The following TTC33 variants were observed in gnomAD, a reference collection of about 807,000 sequenced individuals.
The protein encoded by TTC33 is tetratricopeptide repeat domain 33.
Under a neutral mutation model 29.4 loss-of-function variants are expected in TTC33, and 24 were observed. The ratio of observed to expected loss-of-function variants is 0.82; its 90% confidence interval spans 0.59 to 1.15. The LOEUF (loss-of-function observed/expected upper bound fraction) is 1.15, where lower values mean the gene tolerates loss of function less well. Among genes scored for constraint, TTC33 ranks in the 50% most tolerant of loss-of-function variants. The pLI is 0.00. For synonymous variants in TTC33, 107 were observed against 100.3 expected (o/e 1.07, Z -0.40); for missense variants, 286 against 310.4 (o/e 0.92, Z 0.59).
intron 2 of TTC33, among the ~76,000 whole-genome samples, chr5:40,739,445 G>A (rs1489973521): frequency 6.6e-6 from 1 of 152,190 alleles, no homozygotes; most frequent in Non-Finnish European, 1.5e-5. Flanking sequence ...GTAATCCCCA[G>A]TGTTAAAGGT....
intron 1 of TTC33, among the ~76,000 whole-genome samples, chr5:40,754,832 T>G (rs1056468018): frequency 6.6e-6 from 1 of 152,214 alleles, no homozygotes. Flanking sequence ...CATTAGAAAA[T>G]TTAACATTCC....
intron 2 of TTC33, among the ~76,000 whole-genome samples, chr5:40,738,567 T>TATAAA (rs199498234): frequency 0.019 from 1,314 of 67,406 alleles, 49 homozygotes; most frequent in Non-Finnish European, 0.025. Context: ...TAAAATAAAA[T>TATAAA]ATAAAATAAA....
In TTC33 at chr5:40,715,998, C is replaced by A; in HGVS notation, c.*147G>T. 1 of 607,120 alleles carries A rather than the reference C, an allele frequency of 1.6e-6. No individual in the cohort carries two copies. The highest frequency in any genetic ancestry group is 2.8e-6 in the Non-Finnish European group (1 of 354,710). The allele number at this position is 607,120 out of a possible 1,614,324, so 37.6% of individuals were successfully genotyped here. On this transcript the variant is annotated 3_prime_UTR_variant, in exon 5 of 5. Coordinates refer to ENST00000337702, the MANE Select transcript of TTC33 (RefSeq NM_012382.3). ...ATATTCCAAACACTATACAATAATCCTGCCATTTTAGTTTTTATATGCCTC... is the reference window on the plus strand; with the variant it reads ...ATATTCCAAACACTATACAATAATCATGCCATTTTAGTTTTTATATGCCTC...
At chr5:40,741,308 A>T (rs1374671340) in intron 2 of TTC33, among the ~76,000 whole-genome samples, 1 of 152,118 alleles carries the variant, frequency 6.6e-6, no homozygotes, top group African/African-American at 2.4e-5. Flanking sequence ...TTCTACTAAG[A>T]AATAACCCCC....
At chr5:40,733,470 A>T (rs1054371009) in intron 2 of TTC33, among the ~76,000 whole-genome samples, 2 of 152,192 alleles carry the variant, frequency 1.3e-5, no homozygotes, top group Non-Finnish European at 2.9e-5. Context: ...TGTTTTTATA[A>T]ATAAAGTTTG....
At chr5:40,743,750 GGCAACAGT>G (rs1230129417) in intron 2 of TTC33, among the ~76,000 whole-genome samples, 1 of 152,064 alleles carries the variant, frequency 6.6e-6, no homozygotes, top group Non-Finnish European at 1.5e-5. Context: ...CTCCAGCCTG[GGCAACAGT>G]GCAAGACTCC....
At chr5:40,753,047 G>C (rs1241119962) in intron 1 of TTC33, among the ~76,000 whole-genome samples, 1 of 152,142 alleles carries the variant, frequency 6.6e-6, no homozygotes, top group Non-Finnish European at 1.5e-5. Flanking sequence ...GAATATGAGA[G>C]AGTGCCAATA....
intron 2 of TTC33, among the ~76,000 whole-genome samples, chr5:40,744,986 T>C (rs2111929694): frequency 6.6e-6 from 1 of 152,330 alleles, no homozygotes; most frequent in Middle Eastern, 3.4e-3. Context: ...ACTCAATCTC[T>C]ACACCTAACT....
chr5:40,736,276 ACT>A (rs1742549321), intron 2 of TTC33, among the ~76,000 whole-genome samples: 1 of 152,242 alleles, frequency 6.6e-6, no homozygotes. Flanking sequence ...AGGCAAAACC[ACT>A]GTCATTAAAT....
intron 2 of TTC33, among the ~76,000 whole-genome samples, chr5:40,745,320 C>T (rs1742769823): frequency 1.3e-5 from 2 of 151,940 alleles, no homozygotes; most frequent in Non-Finnish European, 2.9e-5. Context: ...AGATAATATC[C>T]TTATTCTTAG....
intron 2 of TTC33, among the ~76,000 whole-genome samples, chr5:40,742,098 CA>C: frequency 6.6e-6 from 1 of 152,150 alleles, no homozygotes; most frequent in South Asian, 2.1e-4. Flanking sequence ...TGGTTGAAAA[CA>C]GTTTTTTTTT....
At chr5:40,723,598 C>G (rs960567172) in intron 4 of TTC33, among the ~76,000 whole-genome samples, 2 of 151,900 alleles carry the variant, frequency 1.3e-5, no homozygotes, top group Non-Finnish European at 1.5e-5. Context: ...GATGCGGTGA[C>G]TCACACCTAT....
chr5:40,728,281 C>A (rs865854325), intron 4 of TTC33, 64 bp downstream of exon 4: 42 of 317,892 alleles, frequency 1.3e-4, no homozygotes, highest in African/African-American at 2.7e-4. Context: ...GACTCCATCT[C>A]AAAAAAAAAA....
At chr5:40,718,888 G>A (rs566345152) in intron 4 of TTC33, among the ~76,000 whole-genome samples, 3 of 152,138 alleles carry the variant, frequency 2.0e-5, no homozygotes, top group East Asian at 3.9e-4. Context: ...GCAACAGAGC[G>A]AGACTGTCTC....
Position 40,730,115 on chromosome 5 carries a change from A to C in TTC33, c.303+147T>G, listed in dbSNP as rs1333839620. The stretch of plus-strand genomic sequence containing the variant: ...CCAGTTTTATGCATAAGACAGAACC[A>C]TAAATAATGGTGAAATATTTTTTCC... On this transcript the variant is annotated intron_variant, in intron 3 of 4. Coordinates refer to ENST00000337702, the MANE Select transcript of TTC33 (RefSeq NM_012382.3). 4.9e-6 allele frequency: 3 copies of C among 616,062 alleles called. No homozygotes were observed. The African/African-American group carries it at 5.5e-5, about 11-fold the overall frequency. The allele number at this position is 616,062 out of a possible 1,614,324, so 38.2% of individuals were successfully genotyped here.
chr5:40,730,470 G>T, intron 2 of TTC33, 127 bp from the exon 3 acceptor site: 2 of 595,542 alleles, frequency 3.4e-6, no homozygotes, highest in Non-Finnish European at 5.9e-6. Context: ...CAGTTCAGAG[G>T]CATTAAGTAG....
At chr5:40,739,306 C>T (rs969381171) in intron 2 of TTC33, among the ~76,000 whole-genome samples, 2 of 152,160 alleles carry the variant, frequency 1.3e-5, no homozygotes, top group Non-Finnish European at 2.9e-5. Flanking sequence ...GCTGGGATTT[C>T]GATTGGAATT....
Position 40,716,215 on chromosome 5 carries a change from A to G in TTC33, c.719T>C (p.Ile240Thr), listed in dbSNP as rs962690545. The change falls in exon 5 of 5, where the codon ATA (isoleucine) becomes ACA (threonine). Residue 240 changes from isoleucine (I) to threonine (T), a missense_variant. Ile to Thr is a moderately conservative substitution (Grantham distance 89, BLOSUM62 -1). Coordinates refer to ENST00000337702, the MANE Select transcript of TTC33 (RefSeq NM_012382.3). ...ATCCTCCTTTTCAGTTACAGTCTCT[A>G]TGGCCCCAGAAGCAGACACAATAAC... The part of the protein sequence containing the change: ...TMVIVSASGA[I>T]ETVTEKEDGA... The G allele has an allele frequency of 2.5e-6, 4 of 1,614,066 alleles. No individual in the cohort carries two copies. In the African/African-American group the frequency reaches 5.3e-5, roughly 22 times the overall value.
At chr5:40,746,265 G>A (rs1426465331) in intron 2 of TTC33, among the ~76,000 whole-genome samples, 1 of 152,106 alleles carries the variant, frequency 6.6e-6, no homozygotes, top group Non-Finnish European at 1.5e-5. Flanking sequence ...GGTGCATATA[G>A]GAACAACTTA....
Sources: gnomAD v4.1 joint callset for allele counts (sites outside exome capture counted in the v4.1 genomes callset) on GRCh38, gnomAD v4.1.1 for gene constraint, MANE v1.5 for transcripts, NCBI Gene and HGNC (gene_info 2026-07-23, HGNC 2026-07-21) for gene names.